The following TTC27 variants were observed in gnomAD, a reference collection of about 807,000 sequenced individuals.
TTC27 encodes tetratricopeptide repeat domain 27, also known as tetratricopeptide repeat protein 27.
Under a neutral mutation model 115.9 loss-of-function variants are expected in TTC27, and 79 were observed. The observed-to-expected ratio is 0.68, with a 90% CI of 0.57 to 0.82. The LOEUF (loss-of-function observed/expected upper bound fraction) is 0.82, where lower values mean the gene tolerates loss of function less well. Among genes scored for constraint, TTC27 ranks in the 40% least tolerant of loss-of-function variants. The pLI is 0.00. For missense variants in TTC27, 1,054 were observed against 993.1 expected (o/e 1.06, Z -0.82); for synonymous variants, 401 against 356.0 (o/e 1.13, Z -1.42).
intron 12 of TTC27, among the ~76,000 whole-genome samples, chr2:32,754,272 T>C (rs4561707): frequency 0.76 from 113,378 of 149,564 alleles, 43,037 homozygotes; most frequent in Middle Eastern, 0.81. Flanking sequence ...TCTGGTTTTC[T>C]TAGGCAGAGG....
chr2:32,775,890 C>T (rs1260701409), intron 13 of TTC27, among the ~76,000 whole-genome samples: 1 of 152,148 alleles, frequency 6.6e-6, no homozygotes, highest in African/African-American at 2.4e-5. Context: ...GCTTGTTTTA[C>T]ATGTTAGCAT....
intron 9 of TTC27, among the ~76,000 whole-genome samples, chr2:32,687,703 G>A (rs139256761): frequency 1.3e-5 from 2 of 152,242 alleles, no homozygotes; most frequent in African/African-American, 4.8e-5. Context: ...AATATTTCCA[G>A]AGACAGAGAG....
chr2:32,664,700 A>G (rs1665700978), intron 6 of TTC27, among the ~76,000 whole-genome samples: 1 of 152,184 alleles, frequency 6.6e-6, no homozygotes, highest in African/African-American at 2.4e-5. Flanking sequence ...CGTGTTAGTA[A>G]TAGATAGCAG....
At chr2:32,790,947 C>A (rs1437468435) in intron 16 of TTC27, among the ~76,000 whole-genome samples, 2 of 152,088 alleles carry the variant, frequency 1.3e-5, no homozygotes, top group Admixed American at 1.3e-4. Context: ...TCTCTTATTT[C>A]TTTTTTCTTG....
chr2:32,713,873 A>G (rs1406856069), intron 10 of TTC27, among the ~76,000 whole-genome samples: 1 of 152,140 alleles, frequency 6.6e-6, no homozygotes, highest in Admixed American at 6.5e-5. Context: ...CACTCAGGTA[A>G]TAAGCATAGT....
chr2:32,693,486 A>G (rs1348429622), intron 9 of TTC27, among the ~76,000 whole-genome samples: 2 of 152,210 alleles, frequency 1.3e-5, no homozygotes, highest in East Asian at 3.8e-4. Flanking sequence ...ACACAGAATT[A>G]AGACATTTTG....
At chr2:32,646,626 C>T (rs1163285574) in intron 4 of TTC27, among the ~76,000 whole-genome samples, 9 of 144,086 alleles carry the variant, frequency 6.2e-5, no homozygotes, top group African/African-American at 1.0e-4. Context: ...TGCAGTGGCG[C>T]GATCTCTGCT....
At chr2:32,798,381 C>T (rs568846464) in intron 16 of TTC27, among the ~76,000 whole-genome samples, 1 of 149,620 alleles carries the variant, frequency 6.7e-6, no homozygotes, top group South Asian at 2.1e-4. Context: ...GCCTGGGCGA[C>T]AGAGCGCGAC....
At chr2:32,645,884 T>C (rs1192773943) in intron 4 of TTC27, among the ~76,000 whole-genome samples, 1 of 151,104 alleles carries the variant, frequency 6.6e-6, no homozygotes, top group East Asian at 1.9e-4. Context: ...GCCCGGCTAA[T>C]TTTTTTTGTA....
chr2:32,708,540 C>G (rs1296167071), intron 10 of TTC27, among the ~76,000 whole-genome samples: 3 of 151,864 alleles, frequency 2.0e-5, no homozygotes, highest in African/African-American at 4.8e-5. Flanking sequence ...GAACTCCTGA[C>G]CTCATGATCC....
intron 9 of TTC27, among the ~76,000 whole-genome samples, chr2:32,694,674 C>CTTT (rs200028307): frequency 7.4e-6 from 1 of 135,552 alleles, no homozygotes; most frequent in Non-Finnish European, 1.6e-5. Context: ...ATTCCTATTT[C>CTTT]TTTTTTTTTT....
chr2:32,807,928 CTT>C (rs70938367), intron 16 of TTC27, among the ~76,000 whole-genome samples: 12 of 109,644 alleles, frequency 1.1e-4, no homozygotes, highest in Non-Finnish European at 1.6e-4. Flanking sequence ...TACTTGCCCT[CTT>C]TTTTTTTTTT....
chr2:32,759,732 C>G (rs191962109), intron 13 of TTC27, among the ~76,000 whole-genome samples: 2 of 152,352 alleles, frequency 1.3e-5, no homozygotes, highest in East Asian at 3.9e-4. Context: ...GTTTCCCCTT[C>G]GTTCCCCATC....
intron 16 of TTC27, among the ~76,000 whole-genome samples, chr2:32,795,706 C>T (rs1204797933): frequency 8.8e-6 from 1 of 114,280 alleles, no homozygotes; most frequent in Non-Finnish European, 1.9e-5. Flanking sequence ...GCACATGTCA[C>T]CATGCCCGGC....
At position 32,805,034 on chromosome 2, in the gene TTC27, TAGAA is replaced by T. The variant is rs769826679; in HGVS notation, c.1999-5987_1999-5984del. Among the ~76,000 whole-genome samples the T allele has an allele frequency of 4.2e-4, 64 of 152,186 alleles. 1 individual carries two copies. The highest frequency in any genetic ancestry group is 2.4e-4 in the Non-Finnish European group (16 of 68,022). On this transcript the variant is annotated intron_variant, in intron 16 of 19. Coordinates refer to ENST00000317907, the MANE Select transcript of TTC27 (RefSeq NM_017735.5). ...ACCTTTCCAATGTAAAAGAACTTAA[TAGAA>T]AGGAAGAAAGAGGAGAGGGGAGCTG...
At chr2:32,664,561 A>G (rs1010461057) in intron 6 of TTC27, 94 bp downstream of exon 6, 39 of 1,100,858 alleles carry the variant, frequency 3.5e-5, no homozygotes, top group African/African-American at 2.2e-4. Context: ...TAGATTTTCT[A>G]TATCCTATTT....
chr2:32,714,579 T>G (rs1667695066), intron 10 of TTC27, among the ~76,000 whole-genome samples: 1 of 152,228 alleles, frequency 6.6e-6, no homozygotes, highest in East Asian at 1.9e-4. Context: ...TATGGTAGAC[T>G]GATTTATAAT....
At chr2:32,643,126 T>C (rs1031248949) in intron 4 of TTC27, among the ~76,000 whole-genome samples, 5 of 152,062 alleles carry the variant, frequency 3.3e-5, no homozygotes, top group Non-Finnish European at 5.9e-5. Flanking sequence ...TGCACCACCA[T>C]GCCTGGCTAA....
At chr2:32,817,410 T>C (rs1671539272) in intron 18 of TTC27, 47 bp from the exon 19 acceptor site, 3 of 1,506,790 alleles carry the variant, frequency 2.0e-6, no homozygotes, top group East Asian at 2.3e-5. Context: ...CTGTGAATTA[T>C]TATTAACACT....
Sources: gnomAD v4.1 joint callset for allele counts (sites outside exome capture counted in the v4.1 genomes callset) on GRCh38, gnomAD v4.1.1 for gene constraint, MANE v1.5 for transcripts, NCBI Gene and HGNC (gene_info 2026-07-23, HGNC 2026-07-21) for gene names.